Variants in NFIC observed in about 807,000 individuals in gnomAD.
NFIC encodes the protein nuclear factor I C, also known as nuclear factor 1 C-type.
A neutral mutation model predicts 54.4 loss-of-function variants in NFIC; 12 were observed. The ratio of observed to expected loss-of-function variants is 0.22; its 90% CI spans 0.14 to 0.36. The LOEUF (loss-of-function observed/expected upper bound fraction) is 0.36, where lower values mean the gene tolerates loss of function less well. Among genes scored for constraint, NFIC ranks in the 10% least tolerant of loss-of-function variants. The pLI is 1.00. For synonymous variants in NFIC, 322 were observed against 319.2 expected, an observed-to-expected ratio of 1.01 and a Z score of -0.09; for missense variants, 575 against 718.2, an observed-to-expected ratio of 0.80 and a Z score of 2.28.
At chr19:3,385,637 A>G (rs1417470815) in intron 2 of NFIC, among the ~76,000 whole-genome samples, 1 of 148,150 alleles carries the variant, frequency 6.7e-6, no homozygotes, top group Admixed American at 6.8e-5. Flanking sequence ...CAATGACGCA[A>G]TCTTGGCTCA....
chr19:3,437,115 C>G (rs2082215188), intron 6 of NFIC, among the ~76,000 whole-genome samples: 1 of 152,028 alleles, frequency 6.6e-6, no homozygotes, highest in African/African-American at 2.4e-5. Context: ...CGCCTGTAAT[C>G]CCAGCACTTT....
Position 3,458,944 on chromosome 19 carries a change from T to C in NFIC, c.1509+2309T>C, listed in dbSNP as rs937871074. Reference sequence around the variant, plus strand: ...GAGCACAGGTCTGGGGAGGACCCCATTGCTGCTGCCCTGACTGGACTAAGA... The same window carrying C: ...GAGCACAGGTCTGGGGAGGACCCCACTGCTGCTGCCCTGACTGGACTAAGA... On this transcript the variant is annotated intron_variant, in intron 10 of 10. Coordinates refer to ENST00000443272, the MANE Select transcript of NFIC (RefSeq NM_001245002.2). The surrounding 1 kb of genome is among the most constrained non-coding windows in gnomAD (Gnocchi z 4.1). Among the ~76,000 whole-genome samples, 4 of 151,994 alleles carry C rather than the reference T, an allele frequency of 2.6e-5. No individual in the cohort carries two copies. The highest frequency in any genetic ancestry group is 5.9e-5 in the Non-Finnish European group (4 of 67,950).
At chr19:3,400,338 G>A (rs573185747) in intron 2 of NFIC, among the ~76,000 whole-genome samples, 3 of 151,896 alleles carry the variant, frequency 2.0e-5, no homozygotes, top group Admixed American at 1.3e-4. Flanking sequence ...TTAGCCAGGC[G>A]TGATGGCAGG....
intron 2 of NFIC, among the ~76,000 whole-genome samples, chr19:3,419,063 G>T (rs1449904509): frequency 6.6e-6 from 1 of 152,042 alleles, no homozygotes; most frequent in African/African-American, 2.4e-5. Flanking sequence ...GGGTCAGGGG[G>T]TGTCGGAGGC....
chr19:3,406,196 G>A (rs996601481), intron 2 of NFIC, among the ~76,000 whole-genome samples: 4 of 152,124 alleles, frequency 2.6e-5, no homozygotes, highest in South Asian at 2.1e-4. Flanking sequence ...AGGTTCAAGC[G>A]ATTCTCCTGC....
In NFIC at chr19:3,369,038, C is replaced by T. The variant is rs955792207; in HGVS notation, c.30+2372C>T. Among the ~76,000 whole-genome samples the T allele has an allele frequency of 6.6e-6, 1 of 151,500 alleles. No individual in the cohort carries two copies. Among genetic ancestry groups the T allele is most frequent in the African/African-American group, 2.4e-5 (1 of 41,180 alleles). On this transcript the variant is annotated intron_variant, in intron 1 of 10. Coordinates refer to ENST00000443272, the MANE Select transcript of NFIC (RefSeq NM_001245002.2). This position sits in a 1 kb window ranked among gnomAD's most constrained non-coding sequence, Gnocchi z 4.3. ...GTCTCTTTGTGTCTCTCTTTCTCAT[C>T]CTCTGTCTCTCTGATGTCTCAGTCT...
intron 6 of NFIC, among the ~76,000 whole-genome samples, chr19:3,441,645 G>A (rs376823357): frequency 7.2e-5 from 11 of 152,266 alleles, no homozygotes; most frequent in African/African-American, 2.7e-4. Context: ...GGTGGACCGA[G>A]GCAAGGGCCA....
chr19:3,435,811 C>T (rs2082191928), intron 6 of NFIC, among the ~76,000 whole-genome samples: 1 of 35,484 alleles, frequency 2.8e-5, no homozygotes, highest in African/African-American at 2.2e-4. Flanking sequence ...TCTGGGGTGT[C>T]TTTCTTTCTT....
Position 3,375,059 on chromosome 19 carries a change from C to T in NFIC, c.31-6653C>T, listed in dbSNP as rs1010492836. ...GGACAGTTAGGGAGGAGGAAGGGAACTCAGATCTACGAGGGGCCAGATGAG... is the reference window on the plus strand; with the variant it reads ...GGACAGTTAGGGAGGAGGAAGGGAATTCAGATCTACGAGGGGCCAGATGAG... On this transcript the variant is annotated intron_variant, in intron 1 of 10. Transcript: ENST00000443272. This position sits in a 1 kb window ranked among gnomAD's most constrained non-coding sequence, Gnocchi z 4.6. 6.7e-6 allele frequency among the ~76,000 whole-genome samples: 1 copy of T among 148,792 alleles called. No individual in the cohort carries two copies. The highest frequency in any genetic ancestry group is 1.5e-5 in the Non-Finnish European group (1 of 67,644).
Position 3,453,630 on chromosome 19 carries a change from G to A in NFIC, c.1270-133G>A. On this transcript the variant is annotated intron_variant, in intron 8 of 10. Coordinates refer to ENST00000443272, the MANE Select transcript of NFIC (RefSeq NM_001245002.2). This position sits in a 1 kb window ranked among gnomAD's most constrained non-coding sequence, Gnocchi z 6.7. Reference sequence around the variant, plus strand: ...CCTCAGACCCACCAAACCCGCCATGGTCACACCCGCGCCCTGGCCCCCCAG... The same window carrying A: ...CCTCAGACCCACCAAACCCGCCATGATCACACCCGCGCCCTGGCCCCCCAG... 3 of 1,266,218 alleles carry A rather than the reference G, an allele frequency of 2.4e-6. No individual in the cohort carries two copies. The highest frequency in any genetic ancestry group is 3.2e-6 in the Non-Finnish European group (3 of 948,792). 78.4% of individuals were successfully genotyped at this position (1,266,218 alleles called of 1,614,324 possible).
intron 5 of NFIC, 38 bp from the exon 6 acceptor site, chr19:3,435,045 C>A: frequency 6.5e-7 from 1 of 1,541,316 alleles, no homozygotes; most frequent in Non-Finnish European, 8.8e-7. Flanking sequence ...CCCCGCGTCT[C>A]CCTGGTAACC....
intron 2 of NFIC, among the ~76,000 whole-genome samples, chr19:3,383,381 A>T (rs2081243883): frequency 6.6e-6 from 1 of 152,084 alleles, no homozygotes; most frequent in South Asian, 2.1e-4. Context: ...GTGAACAAGG[A>T]GATGCCCCAG....
Position 3,393,347 on chromosome 19 carries a change from TC to T in NFIC, c.562+11105del, listed in dbSNP as rs139462571. ...TGCCGGAGGAGAGGGAGAAGGGGGTTCTGAGGGGAGGAAGACGCGAGAATCT... is the reference window on the plus strand; with the variant it reads ...TGCCGGAGGAGAGGGAGAAGGGGGTTTGAGGGGAGGAAGACGCGAGAATCT... On this transcript the variant is annotated intron_variant, in intron 2 of 10. Coordinates refer to ENST00000443272, the MANE Select transcript of NFIC (RefSeq NM_001245002.2). 9.8e-3 allele frequency among the ~76,000 whole-genome samples: 1,492 copies of T among 152,144 alleles called. 30 individuals carry two copies. The highest frequency in any genetic ancestry group is 0.034 in the African/African-American group (1,405 of 41,526).
intron 2 of NFIC, among the ~76,000 whole-genome samples, chr19:3,403,199 G>A (rs2081584327): frequency 6.6e-6 from 1 of 152,170 alleles, no homozygotes; most frequent in Non-Finnish European, 1.5e-5. Flanking sequence ...GCAGGCTCTG[G>A]GGAGAGAGGC....
At chr19:3,435,715 C>G (rs1400700643) in intron 6 of NFIC, among the ~76,000 whole-genome samples, 1 of 152,096 alleles carries the variant, frequency 6.6e-6, no homozygotes, top group Non-Finnish European at 1.5e-5. Context: ...GGAGACTCGT[C>G]TCCTTTCTGT....
At chr19:3,435,663 T>C (rs983107484) in intron 6 of NFIC, among the ~76,000 whole-genome samples, 4 of 152,084 alleles carry the variant, frequency 2.6e-5, no homozygotes, top group Non-Finnish European at 4.4e-5. Context: ...TACTTTTTTT[T>C]TTAACCAGGT....
chr19:3,455,285 T>C (rs1324749896), intron 9 of NFIC, among the ~76,000 whole-genome samples: 2 of 152,140 alleles, frequency 1.3e-5, no homozygotes, highest in Admixed American at 6.5e-5. Flanking sequence ...TGCAGGATAC[T>C]GCGTGGGATC....
intron 2 of NFIC, among the ~76,000 whole-genome samples, chr19:3,405,556 C>T (rs374532115): frequency 8.5e-4 from 129 of 152,040 alleles, no homozygotes; most frequent in African/African-American, 2.8e-3. Context: ...GATCAGGGTC[C>T]GTACTGGAAT....
At chr19:3,391,841 G>A (rs1263426995) in intron 2 of NFIC, among the ~76,000 whole-genome samples, 3 of 152,068 alleles carry the variant, frequency 2.0e-5, no homozygotes. Context: ...TTAGTAATAT[G>A]TCATATATAA....
Sources: gnomAD v4.1 joint callset for allele counts (sites outside exome capture counted in the v4.1 genomes callset) on GRCh38, gnomAD v4.1.1 for gene constraint, Gnocchi (gnomAD v3.1) non-coding constraint, MANE v1.5 for transcripts, NCBI Gene and HGNC (gene_info 2026-07-23, HGNC 2026-07-21) for gene names.